TMEM116: variants seen among roughly 807,000 people sequenced by gnomAD.
TMEM116 encodes transmembrane protein 116.
TMEM116 carries 38 observed loss-of-function variants against 44.3 expected under a neutral mutation model. That is an observed-to-expected ratio of 0.86 (90% CI 0.66 to 1.12). TMEM116 has a LOEUF of 1.12. Ranked by LOEUF, TMEM116 falls within the 50% of genes most tolerant of loss-of-function variation. The pLI is 0.00. For synonymous variants in TMEM116, 132 were observed against 144.8 expected, an observed-to-expected ratio of 0.91 and a Z score of 0.64; for missense variants, 354 against 401.7, an observed-to-expected ratio of 0.88 and a Z score of 1.01.
intron 4 of TMEM116, among the ~76,000 whole-genome samples, chr12:111,980,563 T>C (rs544186892): frequency 2.6e-5 from 4 of 152,302 alleles, no homozygotes; most frequent in Non-Finnish European, 5.9e-5. Context: ...AGTAAACTAC[T>C]GACTTTAGTG....
chr12:111,966,316 AAAG>A (rs2074982280), intron 4 of TMEM116, among the ~76,000 whole-genome samples: 2 of 152,156 alleles, frequency 1.3e-5, no homozygotes, highest in South Asian at 4.1e-4. Flanking sequence ...AAAAAAAAAC[AAAG>A]AAGAAATTTA....
chr12:111,992,753 C>A (rs1279307196), intron 3 of TMEM116, among the ~76,000 whole-genome samples: 1 of 152,164 alleles, frequency 6.6e-6, no homozygotes, highest in Non-Finnish European at 1.5e-5. Flanking sequence ...TCTTCTTATT[C>A]TTCTCCTTTT....
intron 4 of TMEM116, among the ~76,000 whole-genome samples, chr12:111,986,794 G>A (rs1456058709): frequency 6.6e-6 from 1 of 152,078 alleles, no homozygotes; most frequent in Non-Finnish European, 1.5e-5. Context: ...GGGTAACAGA[G>A]CAAGACTCTG....
intron 1 of TMEM116, chr12:112,005,654 G>T (rs1203467193): frequency 9.2e-6 from 9 of 976,368 alleles, no homozygotes; most frequent in Non-Finnish European, 1.1e-5. Context: ...TTGAGGCCAG[G>T]AGTTTAAGAA....
intron 4 of TMEM116, among the ~76,000 whole-genome samples, chr12:111,970,732 A>G (rs1042510436): frequency 1.3e-5 from 2 of 151,978 alleles, no homozygotes; most frequent in African/African-American, 4.8e-5. Flanking sequence ...GACTACAGGC[A>G]CCTGCCACCA....
chr12:111,931,525 A>G lies in TMEM116; in HGVS notation c.*96T>C, dbSNP rs2071637692. The G allele has an allele frequency of 4.1e-6, 5 of 1,211,120 alleles. No homozygotes were observed. The highest frequency in any genetic ancestry group is 6.0e-6 in the Non-Finnish European group (5 of 836,624). 75.0% of individuals were successfully genotyped at this position (1,211,120 alleles called of 1,614,324 possible). ...TCCTTTGAGTTCTGCAGTTTAGGGC[A>G]TAGTTAGAAAAGATTTAAGATGTCC... is the stretch of plus-strand genomic sequence containing the variant. On this transcript the variant is annotated 3_prime_UTR_variant, in exon 11 of 11. Coordinates refer to ENST00000552374, the MANE Select transcript of TMEM116 (RefSeq NM_001193531.2).
chr12:111,992,014 T>C (rs2076636445), intron 3 of TMEM116, 125 bp from the exon 4 acceptor site: 2 of 1,031,944 alleles, frequency 1.9e-6, no homozygotes, highest in East Asian at 3.0e-5. Context: ...GCCTCTGCCA[T>C]TGGTTGATTG....
intron 3 of TMEM116, among the ~76,000 whole-genome samples, chr12:112,000,390 A>C (rs1022062076): frequency 2.6e-5 from 4 of 152,242 alleles, no homozygotes; most frequent in Admixed American, 2.6e-4. Context: ...GAAATGAGAG[A>C]TAGAAAAATA....
chr12:111,982,508 C>G (rs1404077268), intron 4 of TMEM116, among the ~76,000 whole-genome samples: 1 of 152,090 alleles, frequency 6.6e-6, no homozygotes. Context: ...ACCGTGTTGT[C>G]CAGGCTGGTT....
Position 111,936,803 on chromosome 12 carries a change from T to G in TMEM116, c.477A>C (p.Ser159=), listed in dbSNP as rs112943697. ...HKCILMHSPP[S]AMAELPPSAN... The stretch of plus-strand genomic sequence containing the variant: ...CAGAAGGTGGAAGTTCAGCCATGGC[T>G]GATGGTGGTGAGTGCATCAAGATAC... Residue 159 remains serine (S), a synonymous_variant, in exon 8 of 11, where the codon TCA becomes TCC. Coordinates refer to ENST00000552374, the MANE Select transcript of TMEM116 (RefSeq NM_001193531.2). 6.2e-7 allele frequency: 1 copy of G among 1,610,606 alleles called. No individual in the cohort carries two copies.
chr12:111,947,581 AT>A (rs2073385357), intron 4 of TMEM116, among the ~76,000 whole-genome samples: 1 of 152,200 alleles, frequency 6.6e-6, no homozygotes. Context: ...TCTGATTACT[AT>A]TTTATACCAC....
intron 1 of TMEM116, among the ~76,000 whole-genome samples, chr12:112,006,808 T>C (rs1031882345): frequency 3.3e-5 from 5 of 152,252 alleles, no homozygotes. Flanking sequence ...TTATGTAATT[T>C]ATCTTTCATC....
chr12:111,957,083 C>T (rs1208334337), intron 4 of TMEM116, among the ~76,000 whole-genome samples: 1 of 151,860 alleles, frequency 6.6e-6, no homozygotes, highest in African/African-American at 2.4e-5. Context: ...CTCTGCCTGG[C>T]CACCCATCGT....
chr12:111,965,356 A>G (rs1307760277), intron 4 of TMEM116, among the ~76,000 whole-genome samples: 1 of 152,196 alleles, frequency 6.6e-6, no homozygotes, highest in Non-Finnish European at 1.5e-5. Flanking sequence ...CAACACACCA[A>G]ATTTTTTAAT....
intron 3 of TMEM116, chr12:111,993,770 T>C: frequency 4.2e-6 from 3 of 715,118 alleles, no homozygotes; most frequent in Non-Finnish European, 8.0e-6. Flanking sequence ...GAGCTGGTTG[T>C]AACATTTGTA....
At chr12:112,008,299 G>A (rs901352967) in intron 1 of TMEM116, among the ~76,000 whole-genome samples, 1 of 152,158 alleles carries the variant, frequency 6.6e-6, no homozygotes, top group Non-Finnish European at 1.5e-5. Context: ...TGGCCAAGAT[G>A]GTGAAACCCC....
chr12:111,978,364 G>A (rs902548348), intron 4 of TMEM116, among the ~76,000 whole-genome samples: 1 of 151,498 alleles, frequency 6.6e-6, no homozygotes. Context: ...TCACAGCACT[G>A]CACTTCTGGG....
chr12:111,960,433 A>G (rs1005607037), intron 4 of TMEM116, among the ~76,000 whole-genome samples: 14 of 139,862 alleles, frequency 1.0e-4, no homozygotes, highest in Admixed American at 9.9e-4. Flanking sequence ...CAGAGCTTGC[A>G]GTGAGCCGAG....
intron 3 of TMEM116, among the ~76,000 whole-genome samples, chr12:112,003,109 T>G (rs564874220): frequency 7.9e-4 from 121 of 152,314 alleles, no homozygotes; most frequent in Non-Finnish European, 1.4e-3. Flanking sequence ...TAGCAAAGTT[T>G]TTAAACTATC....
Sources: allele counts gnomAD v4.1 joint callset (sites outside exome capture counted in the v4.1 genomes callset), GRCh38; gene constraint gnomAD v4.1.1; transcripts MANE v1.5; gene names NCBI Gene and HGNC (gene_info 2026-07-23, HGNC 2026-07-21).